XYLT1: variants seen among roughly 807,000 people sequenced by gnomAD.
The protein encoded by XYLT1 is xylosyltransferase 1, also known as beta-D-xylosyltransferase 1.
In XYLT1, 36 loss-of-function variants were observed where a neutral mutation model predicts 91.3. The ratio of observed to expected loss-of-function variants is 0.39; its 90% CI spans 0.30 to 0.52. The LOEUF (loss-of-function observed/expected upper bound fraction) is 0.52. Among genes scored for constraint, XYLT1 ranks in the 20% least tolerant of loss-of-function variants. The probability of loss-of-function intolerance (pLI) is 0.68; values close to 1 mark genes in which losing one functional copy is unlikely to be tolerated. For synonymous variants in XYLT1, 588 were observed against 532.0 expected (o/e 1.11, Z -1.45); for missense variants, 1,242 against 1,284.5 (o/e 0.97, Z 0.51).
At chr16:17,261,242 A>C (rs1202414778) in intron 2 of XYLT1, among the ~76,000 whole-genome samples, 1 of 21,720 alleles carries the variant, frequency 4.6e-5, no homozygotes, top group Non-Finnish European at 9.5e-5. Flanking sequence ...ACTGGCTCTC[A>C]AAAAAAAAAA....
chr16:17,145,254 C>T (rs73531328), intron 6 of XYLT1, among the ~76,000 whole-genome samples: 3,150 of 152,324 alleles, frequency 0.021, 110 homozygotes, highest in African/African-American at 0.072. Context: ...CTGGGAACCA[C>T]ATTTTGCTTT....
At chr16:17,416,898 C>A (rs1054664832) in intron 1 of XYLT1, among the ~76,000 whole-genome samples, 4 of 152,178 alleles carry the variant, frequency 2.6e-5, no homozygotes, top group Non-Finnish European at 1.5e-5. Flanking sequence ...GACGTTTAAC[C>A]TTGGTGCTGC....
intron 2 of XYLT1, among the ~76,000 whole-genome samples, chr16:17,281,435 C>T (rs1321600683): frequency 6.6e-6 from 1 of 152,204 alleles, no homozygotes; most frequent in East Asian, 1.9e-4. Flanking sequence ...GAGGGCAGTA[C>T]TTCCTAACAC....
chr16:17,169,924 T>G (rs2031786083), intron 5 of XYLT1, among the ~76,000 whole-genome samples: 1 of 152,184 alleles, frequency 6.6e-6, no homozygotes, highest in Admixed American at 6.5e-5. Context: ...AAATGCAATT[T>G]AAGTAGGAAA....
intron 9 of XYLT1, among the ~76,000 whole-genome samples, chr16:17,133,552 C>T (rs141055261): frequency 6.6e-6 from 1 of 152,126 alleles, no homozygotes; most frequent in Non-Finnish European, 1.5e-5. Flanking sequence ...GAATCATTAT[C>T]ATTGCGGAAG....
intron 1 of XYLT1, among the ~76,000 whole-genome samples, chr16:17,382,239 C>G (rs2035691636): frequency 6.6e-6 from 1 of 151,824 alleles, no homozygotes; most frequent in Non-Finnish European, 1.5e-5. Context: ...AGTATCACTG[C>G]ACATCATCAC....
chr16:17,441,785 AT>A (rs774743268), intron 1 of XYLT1, among the ~76,000 whole-genome samples: 2 of 152,202 alleles, frequency 1.3e-5, no homozygotes, highest in African/African-American at 2.4e-5. Context: ...TAGGATCATT[AT>A]CAAAAGGAGG....
chr16:17,164,220 A>G (rs1307783976), intron 5 of XYLT1, among the ~76,000 whole-genome samples: 1 of 151,956 alleles, frequency 6.6e-6, no homozygotes, highest in Non-Finnish European at 1.5e-5. Flanking sequence ...AAGTTATTTC[A>G]TATGTCTATT....
intron 1 of XYLT1, among the ~76,000 whole-genome samples, chr16:17,469,334 G>T (rs1187860080): frequency 1.3e-5 from 2 of 152,232 alleles, no homozygotes; most frequent in Non-Finnish European, 2.9e-5. Context: ...AATCCTTGCA[G>T]ACAAGTAGTG....
intron 5 of XYLT1, among the ~76,000 whole-genome samples, chr16:17,187,820 G>A (rs996898089): frequency 6.6e-5 from 10 of 151,810 alleles, no homozygotes; most frequent in Non-Finnish European, 1.5e-4. Context: ...ACAAAGAGGG[G>A]TCTCCACCAT....
Position 17,259,465 on chromosome 16 carries a change from C to A in XYLT1, c.436G>T (p.Val146Leu). The A allele has an allele frequency of 6.2e-7, 1 of 1,611,506 alleles. No individual in the cohort carries two copies. The highest frequency in any genetic ancestry group is 1.3e-5 in the African/African-American group (1 of 75,008). ...TTCTCGTTGTTGCTGTCTGTTCGCA[C>A]TTTCTCTTTCGGCCGATGAGAAAAG... ...GYFSHRPKEK[V>L]RTDSNNENSV... The change falls in exon 3 of 12, where the codon GTG becomes TTG. Residue 146 changes from valine (V) to leucine (L), a missense_variant. By Grantham distance (32) the Val-to-Leu change is conservative (BLOSUM62 1). Transcript: ENST00000261381.
intron 3 of XYLT1, among the ~76,000 whole-genome samples, chr16:17,257,891 T>G (rs1025325940): frequency 6.6e-6 from 1 of 152,182 alleles, no homozygotes; most frequent in African/African-American, 2.4e-5. Context: ...CTGTGGCTGC[T>G]GTCATTCCCC....
chr16:17,390,702 C>G (rs1370879546), intron 1 of XYLT1, among the ~76,000 whole-genome samples: 2 of 152,156 alleles, frequency 1.3e-5, no homozygotes, highest in African/African-American at 2.4e-5. Context: ...ACTAAACCAC[C>G]TTTGTAAAGC....
At chr16:17,386,490 T>C (rs544280728) in intron 1 of XYLT1, among the ~76,000 whole-genome samples, 2 of 152,154 alleles carry the variant, frequency 1.3e-5, no homozygotes, top group African/African-American at 4.8e-5. Context: ...AGATACTTGA[T>C]GGAGAGGTGG....
intron 1 of XYLT1, among the ~76,000 whole-genome samples, chr16:17,378,057 T>G (rs535471100): frequency 6.6e-6 from 1 of 152,200 alleles, no homozygotes; most frequent in East Asian, 1.9e-4. Context: ...CAAACCTGTC[T>G]ACAGTACTCA....
intron 1 of XYLT1, among the ~76,000 whole-genome samples, chr16:17,443,608 C>G (rs1215752681): frequency 6.6e-6 from 1 of 152,160 alleles, no homozygotes; most frequent in East Asian, 1.9e-4. Flanking sequence ...ATAAATTATC[C>G]AGCCTCAGGT....
intron 3 of XYLT1, among the ~76,000 whole-genome samples, chr16:17,212,199 C>CTG (rs1273667588): frequency 1.3e-5 from 2 of 152,234 alleles, no homozygotes; most frequent in African/African-American, 2.4e-5. Flanking sequence ...GACAAGGACT[C>CTG]TGTGTTGTAA....
At position 17,321,342 on chromosome 16, in the gene XYLT1, C is replaced by CTTTTTTTT. The variant is rs10606202; in HGVS notation, c.402+36662_402+36669dup. Among the ~76,000 whole-genome samples the CTTTTTTTT allele has an allele frequency of 4.6e-4, 20 of 43,624 alleles. 3 individuals carry two copies. Among genetic ancestry groups the CTTTTTTTT allele is most frequent in the Non-Finnish European group, 5.5e-4 (13 of 23,762 alleles). The allele number at this position is 43,624 out of a possible 152,430, so 28.6% of individuals were successfully genotyped here. On this transcript the variant is annotated intron_variant, in intron 2 of 11. Coordinates refer to ENST00000261381, the MANE Select transcript of XYLT1 (RefSeq NM_022166.4). ...GACAGTTCCCAAAGTACTAACTAGC[C>CTTTTTTTT]TTTTTTTTTTTTTTTTTTTTTTTTT...
intron 2 of XYLT1, among the ~76,000 whole-genome samples, chr16:17,329,260 T>C (rs1486773629): frequency 6.6e-6 from 1 of 152,232 alleles, no homozygotes; most frequent in Non-Finnish European, 1.5e-5. Flanking sequence ...ACAAGGAACA[T>C]GGGCTCTGGA....
Sources: gnomAD v4.1 joint callset for allele counts (sites outside exome capture counted in the v4.1 genomes callset) on GRCh38, gnomAD v4.1.1 for gene constraint, MANE v1.5 for transcripts, NCBI Gene and HGNC (gene_info 2026-07-23, HGNC 2026-07-21) for gene names.